Variants in UTP4 observed in about 807,000 individuals in gnomAD.
The protein encoded by UTP4 is U3 small nucleolar RNA-associated protein 4 homolog.
Under a neutral mutation model 82.4 loss-of-function variants are expected in UTP4, and 45 were observed. The ratio of observed to expected loss-of-function variants is 0.55; its 90% CI spans 0.43 to 0.70. The LOEUF (loss-of-function observed/expected upper bound fraction) is 0.70, where lower values mean the gene tolerates loss of function less well. Among genes scored for constraint, UTP4 ranks in the 30% least tolerant of loss-of-function variants. The pLI, the probability that UTP4 is intolerant of heterozygous loss-of-function variation, is 0.00. For synonymous variants in UTP4, 348 were observed against 300.3 expected (o/e 1.16, Z -1.64); for missense variants, 819 against 858.3 (o/e 0.95, Z 0.57).
intron 2 of UTP4, among the ~76,000 whole-genome samples, chr16:69,136,331 A>C (rs548792423): frequency 1.2e-4 from 18 of 152,238 alleles, no homozygotes; most frequent in Admixed American, 3.3e-4. Flanking sequence ...AGGCTCAAAC[A>C]ATCCTCCCCC....
At chr16:69,157,683 C>T (rs940985676) in intron 12 of UTP4, among the ~76,000 whole-genome samples, 3 of 152,018 alleles carry the variant, frequency 2.0e-5, no homozygotes, top group African/African-American at 7.3e-5. Context: ...CCACCTCGAC[C>T]TCTTGGGCTC....
rs138146017 is a variant in UTP4 at position 69,141,374 on chromosome 16, C to A, written c.526+1460C>A. 4.9e-3 allele frequency among the ~76,000 whole-genome samples: 747 copies of A among 152,324 alleles called. 23 individuals are homozygous for A. Among genetic ancestry groups the A allele is most frequent in the Admixed American group, 0.043 (650 of 15,290 alleles). Reference sequence around the variant, plus strand: ...GAGAAAGAATTCTAGGTTGGAAATTCTTTTCCCTTAGAATTCTGAAGCCCT... The same window carrying A: ...GAGAAAGAATTCTAGGTTGGAAATTATTTTCCCTTAGAATTCTGAAGCCCT... On this transcript the variant is annotated intron_variant, in intron 5 of 16. Transcript: ENST00000314423.
chr16:69,148,849 T>A (rs1391744745), intron 6 of UTP4, among the ~76,000 whole-genome samples: 9 of 152,144 alleles, frequency 5.9e-5, no homozygotes, highest in Non-Finnish European at 2.9e-5. Flanking sequence ...GAAGTGATTC[T>A]CCTGCCTTCC....
chr16:69,167,264 A>C, intron 16 of UTP4, 79 bp downstream of exon 16: 1 of 946,036 alleles, frequency 1.1e-6, no homozygotes, highest in South Asian at 1.3e-5. Flanking sequence ...CAATCGGAAG[A>C]TAAGAGCACC....
intron 4 of UTP4, chr16:69,139,014 G>A (rs1021052030): frequency 6.9e-6 from 1 of 145,362 alleles, no homozygotes; most frequent in African/African-American, 2.6e-5. Flanking sequence ...TGTCGCCCAG[G>A]CTGAAGTGCT....
intron 5 of UTP4, 150 bp downstream of exon 5, chr16:69,140,064 C>T (rs1462179488): frequency 1.4e-6 from 1 of 709,548 alleles, no homozygotes; most frequent in African/African-American, 1.8e-5. Context: ...TAATTTTACT[C>T]CTTTCTTGGA....
Position 69,155,888 on chromosome 16 carries a change from C to A in UTP4, c.1182C>A (p.Ile394=), listed in dbSNP as rs772103397. ...ATTGCCAGGGTCCTGAGAACATTAT[C>A]TGTAGCTGTATCTCCCCATGTGGAA... ...HLKTKGPENI[I]CSCISPCGSW... is the part of the protein sequence containing the mutation. Residue 394 remains isoleucine, a synonymous_variant, in exon 11 of 17, where the codon ATC becomes ATA. Coordinates refer to ENST00000314423, the MANE Select transcript of UTP4 (RefSeq NM_032830.3). 1 of 1,614,060 alleles carries A rather than the reference C, an allele frequency of 6.2e-7. No homozygotes were observed. The highest frequency in any genetic ancestry group is 1.7e-5 in the Admixed American group (1 of 59,998).
rs193164904 is a variant in UTP4 at position 69,163,131 on chromosome 16, A to T, written c.1600A>T (p.Ile534Phe). 1 of 1,614,108 alleles carries T rather than the reference A, an allele frequency of 6.2e-7. No homozygotes were observed. The highest frequency in any genetic ancestry group is 1.1e-5 in the South Asian group (1 of 91,078). The change falls in exon 14 of 17, where the codon ATT becomes TTT. Residue 534 changes from isoleucine to phenylalanine, a missense_variant. Transcript: ENST00000314423. ...AYNFPVTAMA[I>F]APNTNNLVIA... ...CAATTTCCCAGTGACTGCTATGGCT[A>T]TTGCCCCCAATACCAACAACCTTGT... is the stretch of plus-strand genomic sequence containing the variant.
Position 69,168,859 on chromosome 16 carries a change from C to A in UTP4, c.1983C>A (p.Leu661=). The change falls in exon 17 of 17, where the codon CTC becomes CTA. Residue 661 remains leucine (L), a synonymous_variant. Coordinates refer to ENST00000314423, the MANE Select transcript of UTP4 (RefSeq NM_032830.3). ...TGGATCTTTTGGATGAAAGAACACTCGTGGCAGTAGAACGGCCTCTGGATG... is the reference window on the plus strand; with the variant it reads ...TGGATCTTTTGGATGAAAGAACACTAGTGGCAGTAGAACGGCCTCTGGATG... ...LFMDLLDERT[L]VAVERPLDDI... is the part of the protein sequence containing the mutation. 1 of 1,613,776 alleles carries A rather than the reference C, an allele frequency of 6.2e-7. No homozygotes were observed. The highest frequency in any genetic ancestry group is 1.1e-5 in the South Asian group (1 of 91,072).
At chr16:69,146,081 A>G (rs1223799671) in intron 6 of UTP4, among the ~76,000 whole-genome samples, 1 of 151,590 alleles carries the variant, frequency 6.6e-6, no homozygotes, top group Non-Finnish European at 1.5e-5. Flanking sequence ...AGCCTGGGCA[A>G]CAGAGACTCT....
At chr16:69,156,572 C>A (rs1963421803) in intron 11 of UTP4, among the ~76,000 whole-genome samples, 1 of 152,040 alleles carries the variant, frequency 6.6e-6, no homozygotes, top group Admixed American at 6.6e-5. Flanking sequence ...CATTCTCCTG[C>A]CTCAGCCTCC....
intron 8 of UTP4, among the ~76,000 whole-genome samples, chr16:69,152,762 T>G (rs1963308534): frequency 6.6e-6 from 1 of 152,096 alleles, no homozygotes; most frequent in Non-Finnish European, 1.5e-5. Flanking sequence ...CATGAGCCAC[T>G]GTGCCCGGCC....
chr16:69,146,601 C>G (rs1314025843), intron 6 of UTP4, among the ~76,000 whole-genome samples: 4 of 152,170 alleles, frequency 2.6e-5, no homozygotes, highest in Admixed American at 6.6e-5. Context: ...TGGCTCACGC[C>G]TGTAATCCCA....
chr16:69,156,937 C>A, intron 11 of UTP4, 147 bp from the exon 12 acceptor site: 2 of 760,922 alleles, frequency 2.6e-6, no homozygotes, highest in Non-Finnish European at 4.6e-6. Flanking sequence ...GTATAGATTA[C>A]TGGAGAGAAA....
intron 5 of UTP4, among the ~76,000 whole-genome samples, chr16:69,141,276 G>A (rs970218069): frequency 6.6e-6 from 1 of 152,132 alleles, no homozygotes; most frequent in African/African-American, 2.4e-5. Flanking sequence ...CTTCTCTATC[G>A]GATAGGATCT....
At chr16:69,167,212 G>GA (rs753003806) in intron 16 of UTP4, 27 bp downstream of exon 16, 50 of 1,451,578 alleles carry the variant, frequency 3.4e-5, no homozygotes, top group Non-Finnish European at 4.5e-5. Context: ...TGTTATTCTG[G>GA]ATAGTTGGTT....
chr16:69,147,001 C>CAAAAAAAAAAAAAAAAAAAAAAAAAA (rs71148965), intron 6 of UTP4, among the ~76,000 whole-genome samples: 4 of 85,788 alleles, frequency 4.7e-5, no homozygotes, highest in Non-Finnish European at 9.3e-5. Flanking sequence ...GACTCTGCCT[C>CAAAAAAAAAAAAAAAAAAAAAAAAAA]AAAAAAAAAA....
chr16:69,135,275 C>A (rs573309218), intron 2 of UTP4, among the ~76,000 whole-genome samples: 1 of 152,202 alleles, frequency 6.6e-6, no homozygotes, highest in South Asian at 2.1e-4. Flanking sequence ...TCCTTATTTT[C>A]TTTTCTCCTT....
chr16:69,143,258 T>G lies in UTP4; in HGVS notation c.607T>G (p.Phe203Val). 1 of 1,614,222 alleles carries G rather than the reference T, an allele frequency of 6.2e-7. No individual in the cohort carries two copies. The highest frequency in any genetic ancestry group is 8.5e-7 in the Non-Finnish European group (1 of 1,180,036). The part of the protein sequence containing the change: ...KRKCIVWGVA[F>V]LSDGTIISVD... ...GAAGTGCATCGTGTGGGGTGTCGCCTTCTTGTCCGATGGCACTATCATAAG... is the reference window on the plus strand; with the variant it reads ...GAAGTGCATCGTGTGGGGTGTCGCCGTCTTGTCCGATGGCACTATCATAAG... The change falls in exon 6 of 17, where the codon TTC becomes GTC. Residue 203 changes from phenylalanine (F) to valine (V), a missense_variant. Phe to Val is a conservative substitution (Grantham distance 50). Transcript: ENST00000314423.
Sources: gnomAD v4.1 joint callset for allele counts (sites outside exome capture counted in the v4.1 genomes callset) on GRCh38, gnomAD v4.1.1 for gene constraint, MANE v1.5 for transcripts, NCBI Gene and HGNC (gene_info 2026-07-23, HGNC 2026-07-21) for gene names.